The following ARID1A variants were observed in gnomAD, a reference collection of about 807,000 sequenced individuals.
ARID1A encodes AT-rich interactive domain-containing protein 1A.
A neutral mutation model predicts 212.6 loss-of-function variants in ARID1A; 20 were observed. The observed-to-expected ratio is 0.09, with a 90% confidence interval of 0.07 to 0.14. The LOEUF is 0.14. Ranked by LOEUF, ARID1A falls within the 10% of genes least tolerant of loss-of-function variation. The pLI, the probability that ARID1A is intolerant of heterozygous loss-of-function variation, is 1.00. For missense variants in ARID1A, 2,587 were observed against 3,059.0 expected (o/e 0.85, Z 3.64); for synonymous variants, 1,376 against 1,222.1 (o/e 1.13, Z -2.63).
At chr1:26,773,766 GC>G in intron 16 of ARID1A, 35 bp from the exon 17 acceptor site, 1 of 1,614,154 alleles carries the variant, frequency 6.2e-7, no homozygotes, top group African/African-American at 1.3e-5. Context: ...CTTCGCCACT[GC>G]CCACCCTAAT....
intron 1 of ARID1A, among the ~76,000 whole-genome samples, chr1:26,701,094 G>A (rs942626866): frequency 6.6e-6 from 1 of 152,198 alleles, no homozygotes; most frequent in Non-Finnish European, 1.5e-5. Context: ...GACTCCTGTA[G>A]GTGTAATGTC....
chr1:26,703,148 T>G (rs1230860963), intron 1 of ARID1A, among the ~76,000 whole-genome samples: 1 of 152,214 alleles, frequency 6.6e-6, no homozygotes, highest in Non-Finnish European at 1.5e-5. Context: ...AAAATTAATA[T>G]GCCTTTACAC....
chr1:26,747,319 A>G (rs1240922932), intron 4 of ARID1A, among the ~76,000 whole-genome samples: 4 of 152,212 alleles, frequency 2.6e-5, no homozygotes, highest in Non-Finnish European at 4.4e-5. Flanking sequence ...CTTACCTCCA[A>G]GCTGCTAGCT....
chr1:26,725,757 T>G (rs1320016917), intron 1 of ARID1A, among the ~76,000 whole-genome samples: 1 of 152,060 alleles, frequency 6.6e-6, no homozygotes, highest in Non-Finnish European at 1.5e-5. Flanking sequence ...GGCCTCCGTG[T>G]GAGAGAGGAA....
chr1:26,775,825 C>T, intron 19 of ARID1A, 118 bp downstream of exon 19: 1 of 1,467,988 alleles, frequency 6.8e-7, no homozygotes, highest in Non-Finnish European at 9.4e-7. Flanking sequence ...AGATATCTTC[C>T]ATGCCAGTAC....
rs2124110093 is a variant in ARID1A, at chr1:26,773,344, A to G, written c.3716-2A>G. ...GTTCACCGCTTGCCTTTCTACGCTC[A>G]GCTCCAGGGAGTGATCCCTTCATGT... On this transcript the variant is annotated splice_acceptor_variant, in intron 14 of 19. Coordinates refer to ENST00000324856, the MANE Select transcript of ARID1A (RefSeq NM_006015.6). LOFTEE classifies it high-confidence loss of function. 7.7e-6 allele frequency: 12 copies of G among 1,567,106 alleles called. No homozygotes were observed. The highest frequency in any genetic ancestry group is 1.0e-5 in the Non-Finnish European group (12 of 1,159,096).
At chr1:26,762,343 G>A (rs2081000348) in intron 7 of ARID1A, 24 bp downstream of exon 7, 3 of 1,603,412 alleles carry the variant, frequency 1.9e-6, no homozygotes, top group Non-Finnish European at 1.7e-6. Context: ...CCAGTTAGGA[G>A]TAGATACGGG....
intron 1 of ARID1A, among the ~76,000 whole-genome samples, chr1:26,701,232 C>T (rs1211773755): frequency 6.6e-6 from 1 of 152,146 alleles, no homozygotes. Flanking sequence ...CTTCAACTCT[C>T]AAAATTCTAG....
At chr1:26,732,272 AT>A (rs1416683574) in intron 3 of ARID1A, among the ~76,000 whole-genome samples, 2 of 152,182 alleles carry the variant, frequency 1.3e-5, no homozygotes, top group Non-Finnish European at 2.9e-5. Flanking sequence ...TAAAAAGTTT[AT>A]GTATTGGTGG....
chr1:26,756,585 AAC>A (rs1383596045), intron 4 of ARID1A, among the ~76,000 whole-genome samples: 2 of 151,632 alleles, frequency 1.3e-5, no homozygotes, highest in Non-Finnish European at 2.9e-5. Flanking sequence ...AAAACAAAAA[AAC>A]ACACACAAAA....
chr1:26,778,002 G>A (rs1054013973), intron 19 of ARID1A: 54 of 151,406 alleles, frequency 3.6e-4, no homozygotes, highest in African/African-American at 1.3e-3. Context: ...CCAGGAGGCA[G>A]AGGTTGCAGT....
chr1:26,698,863 GCTTT>G (rs1459946060), intron 1 of ARID1A, among the ~76,000 whole-genome samples: 1 of 152,152 alleles, frequency 6.6e-6, no homozygotes, highest in Non-Finnish European at 1.5e-5. Flanking sequence ...AGAACTGGGA[GCTTT>G]CTGAGGAATT....
At chr1:26,708,066 A>C (rs1022440125) in intron 1 of ARID1A, among the ~76,000 whole-genome samples, 1 of 152,034 alleles carries the variant, frequency 6.6e-6, no homozygotes, top group African/African-American at 2.4e-5. Flanking sequence ...CTGTCCTGTC[A>C]TTCCCTTCCA....
chr1:26,744,253 TGCA>T (rs1335517098), intron 4 of ARID1A, among the ~76,000 whole-genome samples: 1 of 152,210 alleles, frequency 6.6e-6, no homozygotes, highest in Non-Finnish European at 1.5e-5. Context: ...CTGTGCTGCT[TGCA>T]GCAGATTACT....
Position 26,766,354 on chromosome 1 carries a change from A to G in ARID1A, c.2866A>G (p.Asn956Asp), listed in dbSNP as rs746124686. 2 of 1,614,176 alleles carry G rather than the reference A, an allele frequency of 1.2e-6. No individual in the cohort carries two copies. Among genetic ancestry groups the G allele is most frequent in the Non-Finnish European group, 1.7e-6 (2 of 1,180,034 alleles). ...ATATTCCATGGGTGGAACCATGGCC[A>G]ACAATTCTGCAGGTAAGTGCTAGTC... ...PPYSMGGTMA[N>D]NSAGMAASPE... Residue 956 changes from asparagine (N) to aspartate (D), a missense_variant, in exon 9 of 20, where the codon AAC (asparagine) becomes GAC (aspartate). By Grantham distance (23) the Asn-to-Asp change is conservative. Transcript: ENST00000324856.
intron 6 of ARID1A, 28 bp downstream of exon 6, chr1:26,761,501 A>G (rs766869226): frequency 1.2e-6 from 2 of 1,610,694 alleles, no homozygotes; most frequent in Non-Finnish European, 1.7e-6. Context: ...GGGGAGGGGC[A>G]GGGAGCTAGG....
At chr1:26,762,015 A>G (rs2080996957) in intron 6 of ARID1A, 137 bp from the exon 7 acceptor site, 2 of 981,368 alleles carry the variant, frequency 2.0e-6, no homozygotes, top group Non-Finnish European at 2.9e-6. Flanking sequence ...ACACACCACT[A>G]TATAGAAAAT....
rs2124120286 is a variant in ARID1A, at chr1:26,774,763, G to A, written c.4536G>A (p.Gln1512=). 1 of 1,614,244 alleles carries A rather than the reference G, an allele frequency of 6.2e-7. No individual in the cohort carries two copies. The highest frequency in any genetic ancestry group is 8.5e-7 in the Non-Finnish European group (1 of 1,180,050). The change falls in exon 18 of 20, where the codon CAG becomes CAA. Residue 1512 remains glutamine, a synonymous_variant. Transcript: ENST00000324856. The surrounding 1 kb of genome is among the most constrained non-coding windows in gnomAD (Gnocchi z 5.6). ...TGACCTATAATTATGCCAACAGGCAGAGCACGGGCTCTGCCCCCCAGGGCC... is the reference window on the plus strand; with the variant it reads ...TGACCTATAATTATGCCAACAGGCAAAGCACGGGCTCTGCCCCCCAGGGCC... ...NDMTYNYANR[Q]STGSAPQGPA...
chr1:26,779,883 A>G lies in ARID1A; in HGVS notation c.5985A>G (p.Pro1995=). ...CCATTCGAAGCCTGTCATTTGTGCC[A>G]GGCAATGACTTTGAGATGTCCAAAC... ...SNTIRSLSFV[P]GNDFEMSKHP... is the part of the protein sequence containing the mutation. Residue 1995 remains proline, a synonymous_variant, in exon 20 of 20, where the codon CCA becomes CCG. Coordinates refer to ENST00000324856, the MANE Select transcript of ARID1A (RefSeq NM_006015.6). 1 of 1,614,136 alleles carries G rather than the reference A, an allele frequency of 6.2e-7. No homozygotes were observed. The highest frequency in any genetic ancestry group is 8.5e-7 in the Non-Finnish European group (1 of 1,180,028).
Sources: gnomAD v4.1 joint callset for allele counts (sites outside exome capture counted in the v4.1 genomes callset) on GRCh38, gnomAD v4.1.1 for gene constraint, Gnocchi (gnomAD v3.1) non-coding constraint, MANE v1.5 for transcripts, NCBI Gene and HGNC (gene_info 2026-07-23, HGNC 2026-07-21) for gene names.